The following NCKAP1 variants were observed in gnomAD, a reference collection of about 807,000 sequenced individuals.
The protein encoded by NCKAP1 is nck-associated protein 1.
Under a neutral mutation model 151.2 loss-of-function variants are expected in NCKAP1, and 21 were observed. That is an observed-to-expected ratio of 0.14 (90% CI 0.10 to 0.20). The LOEUF (loss-of-function observed/expected upper bound fraction) is 0.20, where lower values mean the gene tolerates loss of function less well. NCKAP1 is among the 10% of genes least tolerant of loss of function. The pLI, the probability that NCKAP1 is intolerant of heterozygous loss-of-function variation, is 1.00. For synonymous variants in NCKAP1, 484 were observed against 451.8 expected (o/e 1.07, Z -0.90); for missense variants, 933 against 1,352.1 (o/e 0.69, Z 4.86).
At chr2:183,012,197 C>T (rs185215660) in intron 2 of NCKAP1, among the ~76,000 whole-genome samples, 2 of 151,482 alleles carry the variant, frequency 1.3e-5, no homozygotes, top group East Asian at 3.9e-4. Flanking sequence ...AAAAGGGTAA[C>T]AATAAAAACA....
rs1446058330 is a variant in NCKAP1, at chr2:182,968,041, GGC to G, written c.1483-682_1483-681del. ...CTACAGAATAAGTACTGTTTGTTACGGCTAGAGTTTGAGTGCAAAGAAGAGAA... is the reference window on the plus strand; with the variant it reads ...CTACAGAATAAGTACTGTTTGTTACGTAGAGTTTGAGTGCAAAGAAGAGAA... On this transcript the variant is annotated intron_variant, in intron 15 of 30. Transcript: ENST00000361354. 4.6e-5 allele frequency among the ~76,000 whole-genome samples: 7 copies of G among 152,260 alleles called. No individual in the cohort carries two copies. In the East Asian group the frequency reaches 1.4e-3, roughly 29 times the overall value.
intron 18 of NCKAP1, among the ~76,000 whole-genome samples, chr2:182,960,820 T>C (rs557509892): frequency 2.0e-5 from 3 of 152,280 alleles, no homozygotes; most frequent in African/African-American, 7.2e-5. Context: ...AGAAAATTTT[T>C]ACAATCTACT....
At chr2:182,939,188 T>A (rs1403753929) in intron 24 of NCKAP1, among the ~76,000 whole-genome samples, 4 of 152,026 alleles carry the variant, frequency 2.6e-5, no homozygotes, top group Admixed American at 6.6e-5. Flanking sequence ...AATAAAAAAA[T>A]ATTAAACAGA....
chr2:182,946,728 C>A (rs1342601957), intron 23 of NCKAP1, among the ~76,000 whole-genome samples: 5 of 60,994 alleles, frequency 8.2e-5, no homozygotes, highest in Non-Finnish European at 1.3e-4. Flanking sequence ...AAAATAAAGG[C>A]ATAAACCTAC....
Position 182,912,543 on chromosome 2 carries a change from G to A in NCKAP1, c.*13159C>T, listed in dbSNP as rs1696411372. 1 of 152,166 alleles carries A rather than the reference G, an allele frequency of 6.6e-6. No homozygotes were observed. The highest frequency in any genetic ancestry group is 1.5e-5 in the Non-Finnish European group (1 of 68,006). The allele number at this position is 152,166 out of a possible 1,614,324, so 9.4% of individuals were successfully genotyped here. A position where few individuals can be genotyped will look rare whatever the true frequency, so the allele number is the denominator to read the frequency against. On this transcript the variant is annotated 3_prime_UTR_variant, in exon 31 of 31. Transcript: ENST00000361354. ...CATTTTTCTCAGCAAAAGGGAAAAA[G>A]TACGAATTAGGAAAGGTACATTTAA...
chr2:182,993,692 A>G (rs2105866782), intron 8 of NCKAP1, among the ~76,000 whole-genome samples: 1 of 152,154 alleles, frequency 6.6e-6, no homozygotes, highest in Middle Eastern at 3.4e-3. Flanking sequence ...ATGGGCACAA[A>G]GAAAGGAACA....
At chr2:182,942,358 C>A (rs1375730209) in intron 23 of NCKAP1, among the ~76,000 whole-genome samples, 195 bp from the exon 24 acceptor site, 1 of 152,042 alleles carries the variant, frequency 6.6e-6, no homozygotes, top group African/African-American at 2.4e-5. Flanking sequence ...TGTTTCCCTT[C>A]AGTTTACAAA....
intron 14 of NCKAP1, among the ~76,000 whole-genome samples, chr2:182,978,502 C>T (rs1575043447): frequency 6.6e-6 from 1 of 152,194 alleles, no homozygotes; most frequent in Non-Finnish European, 1.5e-5. Flanking sequence ...ATGTAAAGTG[C>T]CTGGCACAGA....
rs1698403126 is a variant in NCKAP1 at position 183,003,038 on chromosome 2, G to T, written c.313-8C>A. Reference sequence around the variant, plus strand: ...CAATTCACAAACATGGTCCTGAAAAGAAATACTTATTTTAATCTTTTATCT... The same window carrying T: ...CAATTCACAAACATGGTCCTGAAAATAAATACTTATTTTAATCTTTTATCT... On this transcript the variant is annotated splice_region_variant and splice_polypyrimidine_tract_variant and intron_variant, in intron 3 of 30. Coordinates refer to ENST00000361354, the MANE Select transcript of NCKAP1 (RefSeq NM_013436.5). 3 of 1,600,870 alleles carry T rather than the reference G, an allele frequency of 1.9e-6. No homozygotes were observed.
At chr2:183,022,745 T>C (rs1353170698) in intron 2 of NCKAP1, 1 of 152,236 alleles carries the variant, frequency 6.6e-6, no homozygotes, top group African/African-American at 2.4e-5. Flanking sequence ...CTTACTAGCA[T>C]TTTCTTTCTA....
At chr2:182,966,585 C>T (rs1257301976) in intron 16 of NCKAP1, among the ~76,000 whole-genome samples, 1 of 152,166 alleles carries the variant, frequency 6.6e-6, no homozygotes, top group Non-Finnish European at 1.5e-5. Flanking sequence ...CGCGCCTGGC[C>T]ACCACACTGT....
At chr2:182,976,763 C>T (rs1697832354) in intron 15 of NCKAP1, 130 bp downstream of exon 15, 1 of 451,516 alleles carries the variant, frequency 2.2e-6, no homozygotes, top group Non-Finnish European at 3.7e-6. Flanking sequence ...CAAAATGTTT[C>T]TTTTATGGTT....
intron 24 of NCKAP1, 56 bp from the exon 25 acceptor site, chr2:182,935,431 TCTTA>T: frequency 7.4e-6 from 8 of 1,082,130 alleles, no homozygotes; most frequent in Non-Finnish European, 1.0e-5. Context: ...CTGGATTCTT[TCTTA>T]AACTTGGAAA....
intron 2 of NCKAP1, among the ~76,000 whole-genome samples, chr2:183,020,916 CA>C (rs57827134): frequency 0.048 from 7,355 of 152,086 alleles, 583 homozygotes; most frequent in African/African-American, 0.17. Flanking sequence ...ACTGAGATCA[CA>C]AGACTTTATA....
intron 1 of NCKAP1, among the ~76,000 whole-genome samples, chr2:183,029,095 C>A (rs1486929759): frequency 1.3e-5 from 2 of 151,692 alleles, no homozygotes; most frequent in Non-Finnish European, 2.9e-5. Context: ...CCAGCCTGGG[C>A]AACAAGAGTG....
rs1018684240 is a variant in NCKAP1, at chr2:182,928,743, T to G, written c.3070+40A>C. 2.2e-6 allele frequency: 3 copies of G among 1,334,638 alleles called. No individual in the cohort carries two copies. The African/African-American group carries it at 4.5e-5, about 20-fold the overall frequency. 82.7% of individuals were successfully genotyped at this position (1,334,638 alleles called of 1,614,324 possible). The stretch of plus-strand genomic sequence containing the variant: ...TTTTATTATAAAATACCAAAACCCA[T>G]GATTTATTCATCGCCAAAACAATTT... On this transcript the variant is annotated intron_variant, in intron 28 of 30. Coordinates refer to ENST00000361354, the MANE Select transcript of NCKAP1 (RefSeq NM_013436.5).
intron 24 of NCKAP1, among the ~76,000 whole-genome samples, chr2:182,935,721 G>T (rs2105805158): frequency 6.6e-6 from 1 of 151,956 alleles, no homozygotes; most frequent in Admixed American, 6.6e-5. Context: ...AGAAAAGGTA[G>T]GGGCAGAAAG....
chr2:182,964,899 AATG>A (rs1407099085), intron 16 of NCKAP1, 91 bp from the exon 17 acceptor site: 5 of 979,434 alleles, frequency 5.1e-6, no homozygotes, highest in Admixed American at 2.8e-5. Flanking sequence ...CAAGTGAATG[AATG>A]ATAACTGGTA....
intron 19 of NCKAP1, chr2:182,957,210 C>A: frequency 3.1e-6 from 1 of 325,180 alleles, no homozygotes. Context: ...ATATAATTGG[C>A]CTTCAGTACT....
Sources: gnomAD v4.1 joint callset for allele counts (sites outside exome capture counted in the v4.1 genomes callset) on GRCh38, gnomAD v4.1.1 for gene constraint, MANE v1.5 for transcripts, NCBI Gene and HGNC (gene_info 2026-07-23, HGNC 2026-07-21) for gene names.